Variants in GLIS1 observed in about 807,000 individuals in gnomAD.
The protein encoded by GLIS1 is GLIS family zinc finger 1.
A neutral mutation model predicts 63.8 loss-of-function variants in GLIS1; 24 were observed. The ratio of observed to expected loss-of-function variants is 0.38; its 90% CI spans 0.27 to 0.53. The LOEUF (loss-of-function observed/expected upper bound fraction) is 0.53. GLIS1 is among the 20% of genes least tolerant of loss of function. The pLI, the probability that GLIS1 is intolerant of heterozygous loss-of-function variation, is 0.85. For missense variants in GLIS1, 1,036 were observed against 1,074.1 expected (o/e 0.96, Z 0.50); for synonymous variants, 450 against 482.5 (o/e 0.93, Z 0.88).
At chr1:53,667,327 C>G (rs778062385) in intron 2 of GLIS1, among the ~76,000 whole-genome samples, 1 of 152,262 alleles carries the variant, frequency 6.6e-6, no homozygotes, top group Admixed American at 6.5e-5. Context: ...TCTCTTGCCC[C>G]TTGCTTTTGC....
chr1:53,582,921 G>A (rs1475054614), intron 4 of GLIS1, among the ~76,000 whole-genome samples: 1 of 152,162 alleles, frequency 6.6e-6, no homozygotes, highest in Non-Finnish European at 1.5e-5. Flanking sequence ...GGGGTACTGG[G>A]GATCTTACGG....
chr1:53,527,355 CG>C (rs1186696510), intron 5 of GLIS1, among the ~76,000 whole-genome samples: 7 of 152,214 alleles, frequency 4.6e-5, no homozygotes, highest in Non-Finnish European at 7.3e-5. Context: ...GCCTGGGACA[CG>C]GCAGGATGTG....
intron 2 of GLIS1, among the ~76,000 whole-genome samples, chr1:53,640,100 G>A (rs1645770044): frequency 6.6e-6 from 1 of 152,192 alleles, no homozygotes; most frequent in South Asian, 2.1e-4. Context: ...CTAGCCCTAG[G>A]TCACAAAGCA....
At chr1:53,663,380 C>G (rs1028985919) in intron 2 of GLIS1, among the ~76,000 whole-genome samples, 1 of 152,230 alleles carries the variant, frequency 6.6e-6, no homozygotes, top group Non-Finnish European at 1.5e-5. Flanking sequence ...GAGGAGGGGC[C>G]ACAGACGGCA....
At chr1:53,607,685 C>T (rs761798133) in intron 2 of GLIS1, among the ~76,000 whole-genome samples, 6 of 152,150 alleles carry the variant, frequency 3.9e-5, no homozygotes, top group Non-Finnish European at 7.3e-5. Context: ...CATCATTAAG[C>T]GATTTAGGGC....
intron 4 of GLIS1, among the ~76,000 whole-genome samples, chr1:53,587,711 A>G (rs1490614834): frequency 6.6e-6 from 1 of 152,198 alleles, no homozygotes. Context: ...AGTTACATGC[A>G]ATATCCATTT....
At chr1:53,706,513 C>T (rs1483312224) in intron 2 of GLIS1, among the ~76,000 whole-genome samples, 2 of 152,170 alleles carry the variant, frequency 1.3e-5, no homozygotes, top group African/African-American at 2.4e-5. Context: ...GCAAAGGGAC[C>T]GCCTGCCGCC....
chr1:53,603,887 A>G (rs1274631620), intron 2 of GLIS1, among the ~76,000 whole-genome samples: 1 of 152,248 alleles, frequency 6.6e-6, no homozygotes, highest in Non-Finnish European at 1.5e-5. Flanking sequence ...CTGACCATCT[A>G]TTTCATTAAT....
intron 2 of GLIS1, among the ~76,000 whole-genome samples, chr1:53,735,447 G>A (rs1646903481): frequency 6.6e-6 from 1 of 152,268 alleles, no homozygotes; most frequent in African/African-American, 2.4e-5. Flanking sequence ...CCCAGAGGTT[G>A]AGAATGTGAA....
intron 2 of GLIS1, among the ~76,000 whole-genome samples, chr1:53,720,612 C>G (rs574630463): frequency 6.6e-6 from 1 of 152,120 alleles, no homozygotes; most frequent in Admixed American, 6.5e-5. Context: ...AGTAATAGTA[C>G]AAAATAGCTG....
intron 2 of GLIS1, among the ~76,000 whole-genome samples, chr1:53,636,210 A>G (rs1645720073): frequency 6.6e-6 from 1 of 152,208 alleles, no homozygotes; most frequent in African/African-American, 2.4e-5. Flanking sequence ...ATATTAACAA[A>G]TGAAACCCAA....
chr1:53,717,922 A>G (rs1390875098), intron 2 of GLIS1, among the ~76,000 whole-genome samples: 2 of 152,166 alleles, frequency 1.3e-5, no homozygotes, highest in Non-Finnish European at 2.9e-5. Context: ...ATGCAGGCAC[A>G]TGACCTAGGC....
At chr1:53,515,042 C>A (rs1644336447) in intron 7 of GLIS1, among the ~76,000 whole-genome samples, 1 of 150,598 alleles carries the variant, frequency 6.6e-6, no homozygotes, top group African/African-American at 2.5e-5. Flanking sequence ...TGGCAAGGGG[C>A]TGTCAGAGGC....
chr1:53,723,620 C>T (rs1347694769), intron 2 of GLIS1, among the ~76,000 whole-genome samples: 1 of 152,072 alleles, frequency 6.6e-6, no homozygotes, highest in East Asian at 1.9e-4. Flanking sequence ...AGAAAGAAGA[C>T]TGAAAAGAAA....
At chr1:53,733,676 A>G (rs1646886216) in intron 2 of GLIS1, among the ~76,000 whole-genome samples, 1 of 152,154 alleles carries the variant, frequency 6.6e-6, no homozygotes, top group Non-Finnish European at 1.5e-5. Context: ...TAGACGCAAC[A>G]TGTTCCTATC....
intron 2 of GLIS1, among the ~76,000 whole-genome samples, chr1:53,709,417 C>CATATACATATATATAT (rs879357045): frequency 2.7e-4 from 33 of 122,708 alleles, no homozygotes; most frequent in African/African-American, 1.2e-3. Context: ...TATATACACA[C>CATATACATATATATAT]ACACACACAC....
Position 53,679,063 on chromosome 1 carries a change from C to T in GLIS1, c.259+58743G>A, listed in dbSNP as rs200644531. Among the ~76,000 whole-genome samples the T allele has an allele frequency of 1.1e-4, 16 of 152,312 alleles. No individual in the cohort carries two copies. The East Asian group carries it at 2.7e-3, about 26-fold the overall frequency. ...CACCAGGCCCAGGTCTGAAGTTGGG[C>T]TCGTGGCCACTGCAGCTGCCGGCGT... On this transcript the variant is annotated intron_variant, in intron 2 of 10. Coordinates refer to ENST00000628545, the MANE Select transcript of GLIS1 (RefSeq NM_001367484.1).
At chr1:53,561,745 G>A (rs776007668) in intron 4 of GLIS1, among the ~76,000 whole-genome samples, 12 of 152,166 alleles carry the variant, frequency 7.9e-5, no homozygotes, top group Non-Finnish European at 1.5e-4. Flanking sequence ...GAGTCATCCC[G>A]AGGTGTGAAG....
intron 4 of GLIS1, among the ~76,000 whole-genome samples, chr1:53,568,662 T>A (rs1644956825): frequency 6.6e-6 from 1 of 152,156 alleles, no homozygotes; most frequent in Non-Finnish European, 1.5e-5. Context: ...CCCTGTCTTG[T>A]GATAGTGAGT....
Sources: gnomAD v4.1 joint callset for allele counts (sites outside exome capture counted in the v4.1 genomes callset) on GRCh38, gnomAD v4.1.1 for gene constraint, MANE v1.5 for transcripts, NCBI Gene and HGNC (gene_info 2026-07-23, HGNC 2026-07-21) for gene names.